Variants in RAE1 observed in about 807,000 individuals in gnomAD.
RAE1 encodes ribonucleic acid export 1.
RAE1 carries 13 observed loss-of-function variants against 52.7 expected under a neutral mutation model. The observed-to-expected ratio is 0.25, with a 90% CI of 0.16 to 0.39. The LOEUF (loss-of-function observed/expected upper bound fraction) is 0.39, where lower values mean the gene tolerates loss of function less well. RAE1 is among the 10% of genes least tolerant of loss of function. The pLI is 1.00. For missense variants in RAE1, 262 were observed against 459.8 expected (o/e 0.57, Z 3.93); for synonymous variants, 164 against 153.1 (o/e 1.07, Z -0.52).
At chr20:57,370,449 C>T (rs964030591) in intron 8 of RAE1, among the ~76,000 whole-genome samples, 30 of 152,202 alleles carry the variant, frequency 2.0e-4, no homozygotes, top group African/African-American at 6.8e-4. Context: ...CTCCCTAAGC[C>T]GCTGCCTCCT....
chr20:57,351,570 G>C (rs1285033101), intron 1 of RAE1, 148 bp downstream of exon 1: 3 of 985,352 alleles, frequency 3.0e-6, no homozygotes, highest in African/African-American at 1.7e-5. Flanking sequence ...CTGGAAGCGA[G>C]GTCAGAGCTG....
chr20:57,361,974 A>G (rs564248605), intron 4 of RAE1, among the ~76,000 whole-genome samples: 1 of 152,318 alleles, frequency 6.6e-6, no homozygotes, highest in Admixed American at 6.5e-5. Context: ...CAGCGGCGGC[A>G]TTAGATTGTC....
At position 57,378,174 on chromosome 20, in the gene RAE1, C is replaced by G. The variant is rs560349374; in HGVS notation, c.*75C>G. The G allele has an allele frequency of 7.3e-5, 90 of 1,233,346 alleles. No individual in the cohort carries two copies. The highest frequency in any genetic ancestry group is 1.4e-4 in the African/African-American group (9 of 65,414). 76.4% of individuals were successfully genotyped at this position (1,233,346 alleles called of 1,614,324 possible). On this transcript the variant is annotated 3_prime_UTR_variant, in exon 12 of 12. Transcript: ENST00000395841. Reference sequence around the variant, plus strand: ...ATCTCTGTACGAATTTGGGTCCCAGCCTTGTTGGGTTGTCAGCCATGGACA... The same window carrying G: ...ATCTCTGTACGAATTTGGGTCCCAGGCTTGTTGGGTTGTCAGCCATGGACA...
intron 1 of RAE1, among the ~76,000 whole-genome samples, chr20:57,353,187 C>T (rs1046224915): frequency 2.6e-5 from 4 of 152,128 alleles, no homozygotes; most frequent in African/African-American, 7.2e-5. Flanking sequence ...CGTAACTCCT[C>T]GGGGAGTTGG....
Position 57,365,373 on chromosome 20 carries a change from T to G in RAE1, c.306T>G (p.Phe102Leu), listed in dbSNP as rs759423767. The change falls in exon 5 of 12, where the codon TTT becomes TTG. Residue 102 changes from phenylalanine to leucine, a missense_variant. Coordinates refer to ENST00000395841, the MANE Select transcript of RAE1 (RefSeq NM_003610.4). ...VCWSDDGSKV[F>L]TASCDKTAKM... is the part of the protein sequence containing the mutation. ...TATTTTAGGATGGGAGCAAAGTGTTTACGGCATCGTGTGATAAAACTGCCA... is the reference window on the plus strand; with the variant it reads ...TATTTTAGGATGGGAGCAAAGTGTTGACGGCATCGTGTGATAAAACTGCCA... 1 of 1,609,358 alleles carries G rather than the reference T, an allele frequency of 6.2e-7. No individual in the cohort carries two copies. Among genetic ancestry groups the G allele is most frequent in the African/African-American group, 1.3e-5 (1 of 74,840 alleles).
chr20:57,375,414 T>C (rs1439747698), intron 11 of RAE1, among the ~76,000 whole-genome samples: 1 of 152,140 alleles, frequency 6.6e-6, no homozygotes, highest in African/African-American at 2.4e-5. Context: ...GACTTTTCCC[T>C]ACCCTGCCCT....
At chr20:57,367,983 G>A (rs536380488) in intron 7 of RAE1, among the ~76,000 whole-genome samples, 2 of 152,170 alleles carry the variant, frequency 1.3e-5, no homozygotes, top group South Asian at 2.1e-4. Context: ...TCTGCCTTCC[G>A]GGTTCAAGCG....
At position 57,356,430 on chromosome 20, in the gene RAE1, T is replaced by C. The variant is rs753763708; in HGVS notation, c.196-16T>C. 3 of 1,600,990 alleles carry C rather than the reference T, an allele frequency of 1.9e-6. No homozygotes were observed. The highest frequency in any genetic ancestry group is 8.5e-7 in the Non-Finnish European group (1 of 1,170,488). On this transcript the variant is annotated splice_polypyrimidine_tract_variant and intron_variant, in intron 3 of 11. Transcript: ENST00000395841. ...CGTAATTGCTTTGTTTGCATTGAATTTTTTTGTTACTACAGGTTCGCTGCT... is the reference window on the plus strand; with the variant it reads ...CGTAATTGCTTTGTTTGCATTGAATCTTTTTGTTACTACAGGTTCGCTGCT...
At chr20:57,377,919 G>C in intron 11 of RAE1, 94 bp from the exon 12 acceptor site, 1 of 820,918 alleles carries the variant, frequency 1.2e-6, no homozygotes, top group Non-Finnish European at 1.9e-6. Flanking sequence ...TATGTTTCCA[G>C]TATTGTAGCA....
intron 1 of RAE1, chr20:57,352,031 G>C (rs941281678): frequency 3.2e-6 from 3 of 938,190 alleles, no homozygotes; most frequent in Non-Finnish European, 3.8e-6. Flanking sequence ...CCAGCATTCT[G>C]GGGGGGAAGA....
chr20:57,372,910 G>C (rs1355316994), intron 8 of RAE1: 1 of 153,014 alleles, frequency 6.5e-6, no homozygotes, highest in African/African-American at 2.4e-5. Flanking sequence ...CAGGAGGCTG[G>C]GTAGTGGAAT....
At chr20:57,371,408 A>G (rs1238008895) in intron 8 of RAE1, 1 of 152,266 alleles carries the variant, frequency 6.6e-6, no homozygotes, top group East Asian at 1.9e-4. Context: ...AAAGACTTGA[A>G]TAGACATGTC....
Position 57,354,045 on chromosome 20 carries a change from C to T in RAE1, c.7C>T (p.Leu3=). 1 of 1,613,306 alleles carries T rather than the reference C, an allele frequency of 6.2e-7. No homozygotes were observed. The highest frequency in any genetic ancestry group is 8.5e-7 in the Non-Finnish European group (1 of 1,179,560). The change falls in exon 2 of 12, where the codon CTG becomes TTG. Residue 3 remains leucine (L), a synonymous_variant. Transcript: ENST00000395841. MS[L]FGTTSGFGTS... is the part of the protein sequence containing the mutation. ...ATTACTTTTTAGGTTCAAAATGAGCCTGTTTGGAACAACCTCAGGTTTTGG... is the reference window on the plus strand; with the variant it reads ...ATTACTTTTTAGGTTCAAAATGAGCTTGTTTGGAACAACCTCAGGTTTTGG...
At position 57,354,738 on chromosome 20, in the gene RAE1, T is replaced by C. The variant is rs2066759655; in HGVS notation, c.117T>C (p.Asp39=). 1 of 1,601,846 alleles carries C rather than the reference T, an allele frequency of 6.2e-7. No individual in the cohort carries two copies. Among genetic ancestry groups the C allele is most frequent in the Non-Finnish European group, 8.5e-7 (1 of 1,175,376 alleles). The part of the protein sequence containing the change: ...MKDIEVTSSP[D]DSIGCLSFSP... ...ATATTGAAGTAACATCATCTCCTGA[T>C]GATAGCATTGGTTGTCTGTCTTTTA... Residue 39 remains aspartate, a synonymous_variant, in exon 3 of 12, where the codon GAT becomes GAC. Coordinates refer to ENST00000395841, the MANE Select transcript of RAE1 (RefSeq NM_003610.4).
At chr20:57,352,944 C>T (rs148694292) in intron 1 of RAE1, among the ~76,000 whole-genome samples, 255 of 152,342 alleles carry the variant, frequency 1.7e-3, no homozygotes, top group African/African-American at 5.5e-3. Flanking sequence ...CCCTCACGTT[C>T]ACTAAAATGT....
chr20:57,355,182 A>G (rs971427333), intron 3 of RAE1, among the ~76,000 whole-genome samples: 1 of 152,222 alleles, frequency 6.6e-6, no homozygotes, highest in African/African-American at 2.4e-5. Flanking sequence ...AAACTTTTTC[A>G]ACGTTAAATA....
chr20:57,370,898 C>T (rs1041477392), intron 8 of RAE1, among the ~76,000 whole-genome samples: 19 of 152,184 alleles, frequency 1.2e-4, no homozygotes, highest in Non-Finnish European at 2.9e-5. Context: ...CTGCCCCTCT[C>T]GGCCACCACC....
chr20:57,365,875 C>G (rs566526873), intron 5 of RAE1, among the ~76,000 whole-genome samples: 1 of 152,204 alleles, frequency 6.6e-6, no homozygotes, highest in East Asian at 1.9e-4. Flanking sequence ...TTTCCCCACA[C>G]GTGTGGAACT....
chr20:57,377,784 A>G (rs2067137550), intron 11 of RAE1, among the ~76,000 whole-genome samples: 1 of 140,418 alleles, frequency 7.1e-6, no homozygotes, highest in East Asian at 1.9e-4. Context: ...TCCTACTCAC[A>G]GACTCTCTCA....
Sources: gnomAD v4.1 joint callset for allele counts (sites outside exome capture counted in the v4.1 genomes callset) on GRCh38, gnomAD v4.1.1 for gene constraint, MANE v1.5 for transcripts, NCBI Gene and HGNC (gene_info 2026-07-23, HGNC 2026-07-21) for gene names.